Variants in IL5 observed in about 807,000 individuals in gnomAD.
The protein encoded by IL5 is interleukin 5.
A neutral mutation model predicts 16.3 loss-of-function variants in IL5; 12 were observed. The ratio of observed to expected loss-of-function variants is 0.74; its 90% confidence interval spans 0.47 to 1.20. The LOEUF is 1.20. Ranked by LOEUF, IL5 falls within the 50% of genes most tolerant of loss-of-function variation. IL5 has a pLI of 0.00. For missense variants in IL5, 159 were observed against 153.9 expected, an observed-to-expected ratio of 1.03 and a Z score of -0.17; for synonymous variants, 54 against 56.6, an observed-to-expected ratio of 0.95 and a Z score of 0.21.
rs754651073 is a variant in IL5 at position 132,542,070 on chromosome 5, A to G, written c.251T>C (p.Val84Ala). The change falls in exon 3 of 4, where the codon GTG (valine) becomes GCG (alanine). Residue 84 changes from valine (V) to alanine (A), a missense_variant. Coordinates refer to ENST00000231454, the MANE Select transcript of IL5 (RefSeq NM_000879.3). ...LESQTVQGGT[V>A]ERLFKNLSLI... ...GGACAAGTTTTTGAATAGTCTTTCC[A>G]CAGTACCCCCTTGCACAGTTTGACT... 5 of 1,613,802 alleles carry G rather than the reference A, an allele frequency of 3.1e-6. No individual in the cohort carries two copies. The Admixed American group carries it at 5.0e-5, about 16-fold the overall frequency.
At chr5:132,544,206 G>T (rs1749748379), upstream of IL5, among the ~76,000 whole-genome samples, 1 of 152,188 alleles carries the variant, frequency 6.6e-6, no homozygotes, top group Non-Finnish European at 1.5e-5. Flanking sequence ...TCAAGATGAT[G>T]TCCAGACTCC....
chr5:132,546,319 C>T (rs768753966), upstream of IL5, among the ~76,000 whole-genome samples: 117 of 152,200 alleles, frequency 7.7e-4, no homozygotes, highest in Admixed American at 1.5e-3. Context: ...CCCCCGCCCC[C>T]ATTCTCCCAG....
intron 2 of IL5, 111 bp downstream of exon 2, chr5:132,542,983 A>G (rs1235250294): frequency 1.2e-6 from 1 of 820,236 alleles, no homozygotes; most frequent in East Asian, 2.7e-5. Flanking sequence ...ACCCATATGA[A>G]AACAAAATAT....
chr5:132,542,857 G>A (rs1447965648), intron 2 of IL5, among the ~76,000 whole-genome samples: 1 of 152,148 alleles, frequency 6.6e-6, no homozygotes, highest in African/African-American at 2.4e-5. Flanking sequence ...TCCCTGACAC[G>A]ATGCTCTTTG....
At chr5:132,545,133 A>C (rs1220815807), upstream of IL5, among the ~76,000 whole-genome samples, 1 of 152,216 alleles carries the variant, frequency 6.6e-6, no homozygotes, top group Non-Finnish European at 1.5e-5. Flanking sequence ...AGTAGGAATC[A>C]CAATAGGCTT....
At chr5:132,554,676 A>G (rs1315822496) in intron 1 of IL5, among the ~76,000 whole-genome samples, 1 of 152,224 alleles carries the variant, frequency 6.6e-6, no homozygotes, top group Non-Finnish European at 1.5e-5. Flanking sequence ...GTATGATCTA[A>G]TAATTCCACT....
chr5:132,556,550 C>A (rs1253711024), intron 1 of IL5: 2 of 377,346 alleles, frequency 5.3e-6, no homozygotes, highest in South Asian at 5.0e-5. Context: ...AATACACATG[C>A]GCACATTCCA....
At chr5:132,549,400 CAGG>C (rs894073217) in intron 1 of IL5, among the ~76,000 whole-genome samples, 3 of 152,152 alleles carry the variant, frequency 2.0e-5, no homozygotes, top group African/African-American at 7.2e-5. Context: ...TAACAAACAA[CAGG>C]AGTTCTTTGG....
intron 2 of IL5, 69 bp from the exon 3 acceptor site, chr5:132,542,212 T>C (rs1437307005): frequency 1.8e-6 from 2 of 1,087,632 alleles, no homozygotes; most frequent in Non-Finnish European, 2.8e-6. Context: ...CATTGTCCAT[T>C]CTGCAATGTA....
At chr5:132,549,536 A>T (rs1749849433) in intron 1 of IL5, among the ~76,000 whole-genome samples, 1 of 152,238 alleles carries the variant, frequency 6.6e-6, no homozygotes, top group African/African-American at 2.4e-5. Context: ...AGAAATAAAC[A>T]ATTAGTACTT....
intron 1 of IL5, among the ~76,000 whole-genome samples, chr5:132,549,132 T>C (rs1476507469): frequency 2.0e-5 from 3 of 152,168 alleles, no homozygotes; most frequent in Non-Finnish European, 4.4e-5. Context: ...CTCGGCTCAC[T>C]GCAACCTCCG....
chr5:132,552,924 C>T (rs960084548), intron 1 of IL5, among the ~76,000 whole-genome samples: 8 of 152,048 alleles, frequency 5.3e-5, no homozygotes, highest in African/African-American at 7.3e-5. Context: ...TTAGTAGAGA[C>T]GGGGTTTCAC....
At chr5:132,553,843 G>T (rs563391024) in intron 1 of IL5, among the ~76,000 whole-genome samples, 1 of 150,724 alleles carries the variant, frequency 6.6e-6, no homozygotes, top group Admixed American at 6.7e-5. Flanking sequence ...AGAGGCTGAG[G>T]CAGTAGAATG....
chr5:132,548,758 TCTTCAAC>T (rs1749835562), intron 1 of IL5, among the ~76,000 whole-genome samples: 1 of 152,224 alleles, frequency 6.6e-6, no homozygotes. Context: ...ACTCCAGCCA[TCTTCAAC>T]CTTCAACTGG....
At chr5:132,546,425 C>T (rs1257000635), upstream of IL5, among the ~76,000 whole-genome samples, 1 of 152,088 alleles carries the variant, frequency 6.6e-6, no homozygotes, top group Non-Finnish European at 1.5e-5. Flanking sequence ...TGGCTTATAT[C>T]ATTTAGCATA....
At chr5:132,545,033 C>G (rs1317225551), upstream of IL5, among the ~76,000 whole-genome samples, 1 of 152,192 alleles carries the variant, frequency 6.6e-6, no homozygotes, top group Non-Finnish European at 1.5e-5. Flanking sequence ...GATTTGCGCA[C>G]TTGAGAAATG....
chr5:132,542,690 G>A (rs981032662), intron 2 of IL5, among the ~76,000 whole-genome samples: 2 of 152,036 alleles, frequency 1.3e-5, no homozygotes, highest in Non-Finnish European at 2.9e-5. Context: ...TTAATATAGG[G>A]CATTTGTTAT....
At chr5:132,555,115 C>A (rs1377353930) in intron 1 of IL5, among the ~76,000 whole-genome samples, 9 of 152,168 alleles carry the variant, frequency 5.9e-5, no homozygotes, top group Non-Finnish European at 1.2e-4. Flanking sequence ...CTAATGCCCC[C>A]ACTGATCTGA....
upstream of IL5, among the ~76,000 whole-genome samples, chr5:132,546,943 G>A (rs994582643): frequency 1.3e-5 from 2 of 152,232 alleles, no homozygotes; most frequent in Admixed American, 6.5e-5. Flanking sequence ...GGAGAATGGC[G>A]TGAACCTGGG....
Sources: gnomAD v4.1 joint callset for allele counts (sites outside exome capture counted in the v4.1 genomes callset) on GRCh38, gnomAD v4.1.1 for gene constraint, MANE v1.5 for transcripts, NCBI Gene and HGNC (gene_info 2026-07-23, HGNC 2026-07-21) for gene names.